Variants in THBS3 observed in about 807,000 individuals in gnomAD.
THBS3 encodes the protein thrombospondin 3.
In THBS3, 78 loss-of-function variants were observed where a neutral mutation model predicts 118.3. That is an observed-to-expected ratio of 0.66 (90% CI 0.55 to 0.80). The LOEUF (loss-of-function observed/expected upper bound fraction) is 0.80, where lower values mean the gene tolerates loss of function less well. Ranked by LOEUF, THBS3 falls within the 30% of genes least tolerant of loss-of-function variation. THBS3 has a pLI of 0.00. For synonymous variants in THBS3, 427 were observed against 475.3 expected (o/e 0.90, Z 1.32); for missense variants, 1,057 against 1,247.4 (o/e 0.85, Z 2.30).
chr1:155,198,717 T>C, intron 16 of THBS3, 115 bp from the exon 17 acceptor site: 1 of 1,030,114 alleles, frequency 9.7e-7, no homozygotes, highest in Non-Finnish European at 1.4e-6. Flanking sequence ...CCCCTGGCAG[T>C]CAGCCAGGTG....
At chr1:155,208,005 G>C, upstream of THBS3, 2 of 393,542 alleles carry the variant, frequency 5.1e-6, no homozygotes, top group East Asian at 7.1e-5. Context: ...GTGAGGGGGG[G>C]CTGAAACAAA....
rs143484888 is a variant in THBS3, at chr1:155,206,456, G to A, written c.80-50C>T. ...TTAGAGAATGGGATCAAATGCTAAG[G>A]TATGCCCTCCCCCGAGCCCACATCA... is the stretch of plus-strand genomic sequence containing the variant. On this transcript the variant is annotated intron_variant, in intron 1 of 22. Transcript: ENST00000368378. The surrounding 1 kb of genome is among the most constrained non-coding windows in gnomAD (Gnocchi z 4.2). The A allele has an allele frequency of 7.9e-4, 1,227 of 1,556,428 alleles. 9 individuals carry two copies. The African/African-American group carries it at 0.015, about 19-fold the overall frequency.
chr1:155,200,707 C>T (rs1294938859), intron 13 of THBS3, 97 bp from the exon 14 acceptor site: 1 of 1,562,162 alleles, frequency 6.4e-7, no homozygotes, highest in Admixed American at 1.8e-5. Flanking sequence ...AAGATCACAC[C>T]CTTGTGATGG....
chr1:155,209,007 G>A, upstream of THBS3: 1 of 1,592,062 alleles, frequency 6.3e-7, no homozygotes, highest in East Asian at 2.3e-5. Flanking sequence ...AGGCGCGCCG[G>A]GCCGACAGCG....
Position 155,199,884 on chromosome 1 carries a change from TCTC to T in THBS3, c.1828-31_1828-29del, listed in dbSNP as rs751866139. 7 of 1,614,064 alleles carry T rather than the reference TCTC, an allele frequency of 4.3e-6. No homozygotes were observed. In the South Asian group the frequency reaches 6.6e-5, roughly 15 times the overall value. Reference sequence around the variant, plus strand: ...GAGAGAGAGGGACCTGTTCTCACCATCTCCTCTTGATAACTCTGAAGAGGGTGA... The same window carrying T: ...GAGAGAGAGGGACCTGTTCTCACCATCTCTTGATAACTCTGAAGAGGGTGA... On this transcript the variant is annotated intron_variant, in intron 15 of 22. Transcript: ENST00000368378.
At position 155,204,903 on chromosome 1, in the gene THBS3, C is replaced by T; in HGVS notation, c.598G>A (p.Ala200Thr). The change falls in exon 4 of 23, where the codon GCC becomes ACC. Residue 200 changes from alanine to threonine, a missense_variant. Around this residue, in one of 3 missense-constraint regions of THBS3, gnomAD observed 544 missense variants for 715.6 expected, o/e 0.76. Transcript: ENST00000368378. ...CCTTGGAATGGACACTCACTCAGGG[C>T]TCCTACCCGGGCCATGGACCCACCC... ...ILGGSMARVGALSECPFQGDE... is the reference protein window; with the variant it reads ...ILGGSMARVGTLSECPFQGDE... 6.2e-7 allele frequency: 1 copy of T among 1,613,992 alleles called. No homozygotes were observed. Among genetic ancestry groups the T allele is most frequent in the East Asian group, 2.2e-5 (1 of 44,888 alleles).
In THBS3 at chr1:155,201,106, TTTG is replaced by T. The variant is rs867358475; in HGVS notation, c.1425_1427del (p.Asn475del). On this transcript the variant is annotated inframe_deletion, in exon 12 of 23. Transcript: ENST00000368378. ...CTGCTCCCTGCACCTGTTTGCAGTGTTTGTTGTTGTCCATGCAGGGCAGTGCTT... is the reference window on the plus strand; with the variant it reads ...CTGCTCCCTGCACCTGTTTGCAGTGTTTGTTGTCCATGCAGGGCAGTGCTT... The T allele has an allele frequency of 5.6e-6, 9 of 1,614,068 alleles. No individual in the cohort carries two copies. Among genetic ancestry groups the T allele is most frequent in the South Asian group, 2.2e-5 (2 of 91,084 alleles).
intron 11 of THBS3, 52 bp from the exon 12 acceptor site, chr1:155,201,256 C>A (rs766227088): frequency 6.2e-7 from 1 of 1,609,262 alleles, no homozygotes; most frequent in South Asian, 1.1e-5. Context: ...CTCCCCTCCT[C>A]CCTATATTTT....
upstream of THBS3, chr1:155,207,978 G>T (rs554054340): frequency 1.9e-5 from 14 of 747,452 alleles, no homozygotes; most frequent in East Asian, 4.7e-5. Flanking sequence ...AGAATTGGAG[G>T]GGGGGCCAGC....
At chr1:155,208,782 A>C, upstream of THBS3, 2 of 1,405,646 alleles carry the variant, frequency 1.4e-6, no homozygotes, top group South Asian at 2.7e-5. Context: ...GGCCCGCTCC[A>C]AACATAACGC....
At chr1:155,208,865 A>C (rs1362040469), upstream of THBS3, 1 of 1,610,488 alleles carries the variant, frequency 6.2e-7, no homozygotes, top group Admixed American at 1.7e-5. Flanking sequence ...GGGGCCCTGG[A>C]GCAGTACAGG....
At chr1:155,198,379 G>A (rs771262118) in intron 17 of THBS3, 30 bp downstream of exon 17, 222 of 1,606,214 alleles carry the variant, frequency 1.4e-4, no homozygotes, top group Non-Finnish European at 1.8e-4. Context: ...GGCAACACCA[G>A]TCTAACGTGC....
chr1:155,200,148 A>G (rs781053114), intron 14 of THBS3, 35 bp from the exon 15 acceptor site: 2 of 1,491,558 alleles, frequency 1.3e-6, no homozygotes, highest in Non-Finnish European at 1.8e-6. Context: ...TTGTTACTAG[A>G]ACATGCCATA....
chr1:155,196,377 G>A lies in THBS3; in HGVS notation c.2673-251C>T, dbSNP rs1668677685. 5.5e-6 allele frequency: 3 copies of A among 546,058 alleles called. No homozygotes were observed. The South Asian group carries it at 7.1e-5, about 13-fold the overall frequency. 33.8% of individuals were successfully genotyped at this position (546,058 alleles called of 1,614,324 possible). Reference sequence around the variant, plus strand: ...CAGCCGCATTCCAAGCGAGGATTGGGTTGCCATGACAATAAGCACAATGGG... The same window carrying A: ...CAGCCGCATTCCAAGCGAGGATTGGATTGCCATGACAATAAGCACAATGGG... On this transcript the variant is annotated intron_variant, in intron 21 of 22. Coordinates refer to ENST00000368378, the MANE Select transcript of THBS3 (RefSeq NM_007112.5).
chr1:155,198,716 G>C, intron 16 of THBS3, 114 bp from the exon 17 acceptor site: 4 of 1,033,342 alleles, frequency 3.9e-6, no homozygotes. Flanking sequence ...ACCCCTGGCA[G>C]TCAGCCAGGT....
rs767854398 is a variant in THBS3 at position 155,201,589 on chromosome 1, A to G, written c.1177-20T>C. On this transcript the variant is annotated intron_variant, in intron 10 of 22. Transcript: ENST00000368378. ...AGAGCCCTAAGAGTGGAGAGGCAGC[A>G]TCTTAGGAAGGAGGGTGAGCCCACC... is the stretch of plus-strand genomic sequence containing the variant. 1 of 1,609,932 alleles carries G rather than the reference A, an allele frequency of 6.2e-7. No individual in the cohort carries two copies. Among genetic ancestry groups the G allele is most frequent in the Non-Finnish European group, 8.5e-7 (1 of 1,177,868 alleles).
intron 5 of THBS3, 37 bp from the exon 6 acceptor site, chr1:155,203,342 A>G (rs1418645052): frequency 3.7e-6 from 6 of 1,608,808 alleles, no homozygotes; most frequent in Non-Finnish European, 5.1e-6. Context: ...TCAGTACTGG[A>G]GCACCAGTCC....
chr1:155,198,280 A>AC, intron 17 of THBS3, 60 bp from the exon 18 acceptor site: 1 of 1,600,842 alleles, frequency 6.2e-7, no homozygotes, highest in Non-Finnish European at 8.5e-7. Context: ...AGGCAACAAT[A>AC]CCATCTGTTG....
intron 4 of THBS3, among the ~76,000 whole-genome samples, chr1:155,204,067 G>C (rs759771681): frequency 6.6e-6 from 1 of 151,822 alleles, no homozygotes. Context: ...CTTGAACTCC[G>C]GACCTTGAGG....
Sources: gnomAD v4.1 joint callset for allele counts (sites outside exome capture counted in the v4.1 genomes callset) on GRCh38, gnomAD v4.1.1 for gene constraint, gnomAD v4.1.1 regional missense constraint, Gnocchi (gnomAD v3.1) non-coding constraint, MANE v1.5 for transcripts, NCBI Gene and HGNC (gene_info 2026-07-23, HGNC 2026-07-21) for gene names.